Variants in SPECC1 observed in about 807,000 individuals in gnomAD.
The protein encoded by SPECC1 is cytospin-B.
In SPECC1, 62 loss-of-function variants were observed where a neutral mutation model predicts 104.1. The ratio of observed to expected loss-of-function variants is 0.60; its 90% CI spans 0.49 to 0.74. SPECC1 has a LOEUF of 0.74. Among genes scored for constraint, SPECC1 ranks in the 30% least tolerant of loss-of-function variants. The pLI is 0.00. For missense variants in SPECC1, 1,306 were observed against 1,310.5 expected, an observed-to-expected ratio of 1.00 and a Z score of 0.05; for synonymous variants, 513 against 501.6, an observed-to-expected ratio of 1.02 and a Z score of -0.30.
intron 1 of SPECC1, among the ~76,000 whole-genome samples, chr17:20,040,280 A>G (rs1354788298): frequency 6.6e-6 from 1 of 152,114 alleles, no homozygotes; most frequent in Non-Finnish European, 1.5e-5. Context: ...TACTTTCCCC[A>G]TTTATAATTC....
At position 20,315,417 on chromosome 17, in the gene SPECC1, T is replaced by A. The variant is rs2042027365; in HGVS notation, c.*1352T>A. The A allele has an allele frequency of 1.3e-5, 3 of 232,822 alleles. No homozygotes were observed. Among genetic ancestry groups the A allele is most frequent in the Non-Finnish European group, 2.5e-5 (3 of 117,878 alleles). 14.4% of individuals were successfully genotyped at this position (232,822 alleles called of 1,614,324 possible). On this transcript the variant is annotated 3_prime_UTR_variant, in exon 15 of 15. Coordinates refer to ENST00000395527, the MANE Select transcript of SPECC1 (RefSeq NM_001243439.2). ...GGCCCGAGTGCCCATCTGGTGGCTCTGCCGTGTTCTTCTGGGCGGATCTGT... is the reference window on the plus strand; with the variant it reads ...GGCCCGAGTGCCCATCTGGTGGCTCAGCCGTGTTCTTCTGGGCGGATCTGT...
intron 3 of SPECC1, among the ~76,000 whole-genome samples, chr17:20,115,840 C>T (rs1189359060): frequency 6.6e-6 from 1 of 152,168 alleles, no homozygotes; most frequent in Admixed American, 6.5e-5. Flanking sequence ...AGGTTGCTTA[C>T]TATCACCAGT....
At chr17:20,088,056 A>T (rs577075376) in intron 1 of SPECC1, among the ~76,000 whole-genome samples, 1 of 152,028 alleles carries the variant, frequency 6.6e-6, no homozygotes, top group East Asian at 2.0e-4. Context: ...AGCGGCCCAC[A>T]TGAAGCACAG....
chr17:20,300,399 C>T (rs1462008836), intron 13 of SPECC1, among the ~76,000 whole-genome samples: 1 of 152,234 alleles, frequency 6.6e-6, no homozygotes, highest in Non-Finnish European at 1.5e-5. Context: ...GGAGAGATAA[C>T]TGAGGAAATA....
intron 3 of SPECC1, among the ~76,000 whole-genome samples, chr17:20,129,023 G>T (rs2049463182): frequency 6.6e-6 from 1 of 151,986 alleles, no homozygotes; most frequent in Admixed American, 6.6e-5. Flanking sequence ...CTCCAAAGTT[G>T]CTGGGACTAC....
intron 3 of SPECC1, among the ~76,000 whole-genome samples, chr17:20,199,935 G>C (rs1283111695): frequency 6.6e-6 from 1 of 152,084 alleles, no homozygotes; most frequent in African/African-American, 2.4e-5. Context: ...GACTACAGGC[G>C]TTTGTGGCAC....
Position 20,225,650 on chromosome 17 carries a change from G to A in SPECC1, c.1864-1763G>A, listed in dbSNP as rs114709286. Reference sequence around the variant, plus strand: ...TGCCAAGGGATGAGGGAGAGGGGATGTTGGAGAGTCAAGACGGTCTTTCCT... The same window carrying A: ...TGCCAAGGGATGAGGGAGAGGGGATATTGGAGAGTCAAGACGGTCTTTCCT... On this transcript the variant is annotated intron_variant, in intron 4 of 14. Transcript: ENST00000395527. Among the ~76,000 whole-genome samples, 246 of 152,296 alleles carry A rather than the reference G, an allele frequency of 1.6e-3. 1 individual carries two copies. Among genetic ancestry groups the A allele is most frequent in the African/African-American group, 5.8e-3 (240 of 41,568 alleles).
Position 20,298,948 on chromosome 17 carries a change from A to AGAGAGTGTGTGTGTGTGTGTGTGTGTGT in SPECC1, c.3057+1872_3057+1873insAGAGTGTGTGTGTGTGTGTGTGTGTGTG. Among the ~76,000 whole-genome samples, 112 of 49,002 alleles carry AGAGAGTGTGTGTGTGTGTGTGTGTGTGT rather than the reference A, an allele frequency of 2.3e-3. 2 individuals carry two copies. Among genetic ancestry groups the AGAGAGTGTGTGTGTGTGTGTGTGTGTGT allele is most frequent in the Middle Eastern group, 9.4e-3 (1 of 106 alleles). 32.1% of individuals were successfully genotyped at this position (49,002 alleles called of 152,430 possible). A position where few individuals can be genotyped will look rare whatever the true frequency, so the allele number is the denominator to read the frequency against. On this transcript the variant is annotated intron_variant, in intron 13 of 14. Coordinates refer to ENST00000395527, the MANE Select transcript of SPECC1 (RefSeq NM_001243439.2). ...GAGAGAGAGAGAGAGAGAGAGAGAG[A>AGAGAGTGTGTGTGTGTGTGTGTGTGTGT]GTGTGTGTGTGTGTGTGTGTGTGTA...
rs1489922143 is a variant in SPECC1 at position 20,238,806 on chromosome 17, A to G, written c.2351+6401A>G. ...AAAGGCACTGCTGTATTTGCACCCT[A>G]TATTTTGACCTGTCGTTAGGTACTG... On this transcript the variant is annotated intron_variant, in intron 7 of 14. Transcript: ENST00000395527. The G allele has an allele frequency of 6.7e-6, 7 of 1,045,222 alleles. No homozygotes were observed. The South Asian group carries it at 2.3e-4, about 34-fold the overall frequency. The allele number at this position is 1,045,222 out of a possible 1,614,324, so 64.7% of individuals were successfully genotyped here. A position where few individuals can be genotyped will look rare whatever the true frequency, so the allele number is the denominator to read the frequency against.
chr17:20,250,190 G>A (rs1156716522), intron 9 of SPECC1, among the ~76,000 whole-genome samples: 1 of 152,170 alleles, frequency 6.6e-6, no homozygotes, highest in African/African-American at 2.4e-5. Flanking sequence ...TTTACCTCAT[G>A]AAAATATGCT....
chr17:20,191,728 T>TA (rs1256645520), intron 3 of SPECC1, among the ~76,000 whole-genome samples: 1 of 152,008 alleles, frequency 6.6e-6, no homozygotes, highest in Non-Finnish European at 1.5e-5. Flanking sequence ...AGCTCCTACT[T>TA]ATGAGAAAGA....
At chr17:20,166,888 G>A (rs191207759) in intron 3 of SPECC1, among the ~76,000 whole-genome samples, 261 of 151,986 alleles carry the variant, frequency 1.7e-3, no homozygotes, top group Middle Eastern at 3.4e-3. Flanking sequence ...TGAGAGGACC[G>A]CTTGAGGCCA....
intron 1 of SPECC1, among the ~76,000 whole-genome samples, chr17:20,082,687 T>C (rs55939726): frequency 0.054 from 8,298 of 152,268 alleles, 304 homozygotes; most frequent in Non-Finnish European, 0.08. Flanking sequence ...TTTTCTTATA[T>C]GGACATCAGT....
At chr17:20,230,910 A>G (rs527312876) in intron 5 of SPECC1, among the ~76,000 whole-genome samples, 1 of 152,312 alleles carries the variant, frequency 6.6e-6, no homozygotes, top group East Asian at 1.9e-4. Flanking sequence ...TCCCACTAGA[A>G]CTAGAACTGC....
chr17:20,300,680 G>T (rs916602278), intron 13 of SPECC1, among the ~76,000 whole-genome samples: 1 of 152,244 alleles, frequency 6.6e-6, no homozygotes, highest in African/African-American at 2.4e-5. Flanking sequence ...GATTCTGAGC[G>T]CAGAGGCTCC....
chr17:20,218,842 C>T (rs1322450794), intron 4 of SPECC1, among the ~76,000 whole-genome samples: 1 of 152,142 alleles, frequency 6.6e-6, no homozygotes, highest in East Asian at 1.9e-4. Context: ...ATTCTACTCT[C>T]TATCTTCATG....
chr17:20,215,076 C>T (rs912800778), intron 4 of SPECC1, among the ~76,000 whole-genome samples: 2 of 152,264 alleles, frequency 1.3e-5, no homozygotes, highest in Admixed American at 6.5e-5. Flanking sequence ...GATGCAGCCA[C>T]AGAGGAGATC....
At chr17:20,132,382 A>C (rs959485256) in intron 3 of SPECC1, among the ~76,000 whole-genome samples, 7 of 152,166 alleles carry the variant, frequency 4.6e-5, no homozygotes, top group African/African-American at 1.7e-4. Flanking sequence ...TGGTATCAGG[A>C]TAATACTACT....
chr17:20,227,074 G>T (rs1333209731), intron 4 of SPECC1, among the ~76,000 whole-genome samples: 2 of 152,150 alleles, frequency 1.3e-5, no homozygotes, highest in Non-Finnish European at 2.9e-5. Flanking sequence ...GAATATTTAA[G>T]TACGTGCAGA....
Sources: allele counts gnomAD v4.1 joint callset (sites outside exome capture counted in the v4.1 genomes callset), GRCh38; gene constraint gnomAD v4.1.1; transcripts MANE v1.5; gene names NCBI Gene and HGNC (gene_info 2026-07-23, HGNC 2026-07-21).